Variants in RASGEF1A observed in about 807,000 individuals in gnomAD.
RASGEF1A encodes the protein RasGEF domain family member 1A.
In RASGEF1A, 18 loss-of-function variants were observed where a neutral mutation model predicts 56.4. The ratio of observed to expected loss-of-function variants is 0.32; its 90% CI spans 0.22 to 0.47. RASGEF1A has a LOEUF of 0.47. RASGEF1A is among the 20% of genes least tolerant of loss of function. The pLI is 1.00. For missense variants in RASGEF1A, 422 were observed against 627.1 expected (o/e 0.67, Z 3.49); for synonymous variants, 245 against 242.6 (o/e 1.01, Z -0.09).
At position 43,206,080 on chromosome 10, in the gene RASGEF1A, C is replaced by A; in HGVS notation, c.37G>T (p.Gly13Trp). Reference protein sequence around the residue: ...QTSVVFSSILGPSCSGQVQPG... With the variant: ...QTSVVFSSILWPSCSGQVQPG... The stretch of plus-strand genomic sequence containing the variant: ...TGCACCTGTCCGCTACAGCTGGGCC[C>A]AAGGATGCTGGAGAAGACAACGGAC... Residue 13 changes from glycine (G) to tryptophan (W), a missense_variant, in exon 2 of 13, where the codon GGG becomes TGG. Around this residue, in one of 2 missense-constraint regions of RASGEF1A, gnomAD observed 273 missense variants for 339.9 expected, o/e 0.80. Coordinates refer to ENST00000395810, the MANE Select transcript of RASGEF1A (RefSeq NM_145313.4). 1 of 1,602,606 alleles carries A rather than the reference C, an allele frequency of 6.2e-7. No individual in the cohort carries two copies.
chr10:43,262,503 G>A (rs115487844), intron 1 of RASGEF1A, among the ~76,000 whole-genome samples: 2,202 of 152,292 alleles, frequency 0.014, 66 homozygotes, highest in African/African-American at 0.049. Context: ...GTGCAGCAAC[G>A]TGGCCCAGGC....
rs1056459081 is a variant in RASGEF1A, at chr10:43,206,982, T to C, written c.-6-860A>G. 3 of 985,214 alleles carry C rather than the reference T, an allele frequency of 3.0e-6. No homozygotes were observed. In the African/African-American group the frequency reaches 5.2e-5, roughly 17 times the overall value. The allele number at this position is 985,214 out of a possible 1,614,324, so 61.0% of individuals were successfully genotyped here. A position where few individuals can be genotyped will look rare whatever the true frequency, so the allele number is the denominator to read the frequency against. ...TGGCCCGCTGTGATGGGGCTCAGGG[T>C]CTCACCACACCCTGCAGCTGGGAGT... is the stretch of plus-strand genomic sequence containing the variant. On this transcript the variant is annotated intron_variant, in intron 1 of 12. Coordinates refer to ENST00000395810, the MANE Select transcript of RASGEF1A (RefSeq NM_145313.4).
In RASGEF1A at chr10:43,201,956, A is replaced by C. The variant is rs1167936722; in HGVS notation, c.322-11T>G. 2 of 1,600,256 alleles carry C rather than the reference A, an allele frequency of 1.2e-6. No individual in the cohort carries two copies. The highest frequency in any genetic ancestry group is 2.7e-5 in the African/African-American group (2 of 74,768). On this transcript the variant is annotated splice_polypyrimidine_tract_variant and intron_variant, in intron 3 of 12. Transcript: ENST00000395810. ...AGACTTCAGCTTGGCCTGGGGCAGCAGGGGATACAGAGTAAGGCCCCACAG... is the reference window on the plus strand; with the variant it reads ...AGACTTCAGCTTGGCCTGGGGCAGCCGGGGATACAGAGTAAGGCCCCACAG...
Position 43,200,874 on chromosome 10 carries a change from C to T in RASGEF1A, c.474G>A (p.Val158=). 6.2e-7 allele frequency: 1 copy of T among 1,613,946 alleles called. No individual in the cohort carries two copies. Among genetic ancestry groups the T allele is most frequent in the Non-Finnish European group, 8.5e-7 (1 of 1,179,984 alleles). Residue 158 remains valine (V), a synonymous_variant, in exon 5 of 13, where the codon GTG becomes GTA. Coordinates refer to ENST00000395810, the MANE Select transcript of RASGEF1A (RefSeq NM_145313.4). ...GTGTCATCTGGGCAATGGCCTTCTT[C>T]ACTGTGCCATTCTCCTGTGGGGTCA... ...VTQCDEENGT[V]KKAIAQMTQS...
At chr10:43,248,163 C>CCT (rs1460466626) in intron 1 of RASGEF1A, among the ~76,000 whole-genome samples, 11 of 151,356 alleles carry the variant, frequency 7.3e-5, no homozygotes, top group African/African-American at 2.4e-4. Context: ...CGAGACCAGC[C>CCT]TGACAAACAT....
At chr10:43,235,283 T>C (rs1293550701) in intron 1 of RASGEF1A, among the ~76,000 whole-genome samples, 1 of 152,126 alleles carries the variant, frequency 6.6e-6, no homozygotes, top group Non-Finnish European at 1.5e-5. Flanking sequence ...CAGGCACACC[T>C]CTCCCCAGTC....
At chr10:43,206,207 A>C in intron 1 of RASGEF1A, 85 bp from the exon 2 acceptor site, 1 of 1,168,258 alleles carries the variant, frequency 8.6e-7, no homozygotes, top group South Asian at 1.4e-5. Context: ...TGCAGCGTGC[A>C]TGCATGTGTG....
intron 1 of RASGEF1A, among the ~76,000 whole-genome samples, chr10:43,264,101 C>T (rs1292148126): frequency 6.6e-6 from 1 of 152,096 alleles, no homozygotes; most frequent in Admixed American, 6.5e-5. Flanking sequence ...CTTCCCTTCA[C>T]ACAGTGCCCG....
At chr10:43,255,077 C>T (rs955648616) in intron 1 of RASGEF1A, among the ~76,000 whole-genome samples, 1 of 152,204 alleles carries the variant, frequency 6.6e-6, no homozygotes, top group African/African-American at 2.4e-5. Flanking sequence ...GAAGCCCCAG[C>T]CACCACCTGG....
rs41301585 is a variant in RASGEF1A at position 43,200,831 on chromosome 10, A to G, written c.517T>C (p.Leu173=). ...TCCTGGAGCTGGCTCCGGGCAGCCAAGGACAGCAACAGGCTCTGTGTCATC... is the reference window on the plus strand; with the variant it reads ...TCCTGGAGCTGGCTCCGGGCAGCCAGGGACAGCAACAGGCTCTGTGTCATC... ...AQMTQSLLLS[L]AARSQLQELR... The change falls in exon 5 of 13, where the codon TTG becomes CTG. Residue 173 remains leucine (L), a synonymous_variant. Transcript: ENST00000395810. 103,976 of 1,613,962 alleles carry G rather than the reference A, an allele frequency of 0.064. 4,128 individuals carry two copies. Among genetic ancestry groups the G allele is most frequent in the South Asian group, 0.16 (14,386 of 91,084 alleles).
intron 4 of RASGEF1A, 67 bp from the exon 5 acceptor site, chr10:43,200,955 G>A (rs1369527128): frequency 6.3e-6 from 9 of 1,436,922 alleles, no homozygotes; most frequent in Non-Finnish European, 8.7e-6. Context: ...ACTGTGGGTA[G>A]GATCCATCTC....
At chr10:43,237,687 C>G (rs1840448668) in intron 1 of RASGEF1A, among the ~76,000 whole-genome samples, 1 of 152,178 alleles carries the variant, frequency 6.6e-6, no homozygotes, top group Non-Finnish European at 1.5e-5. Flanking sequence ...CAACCAAGCC[C>G]AGGCCTGAAC....
chr10:43,210,803 C>A (rs905814525), intron 1 of RASGEF1A, among the ~76,000 whole-genome samples: 7 of 152,100 alleles, frequency 4.6e-5, no homozygotes, highest in African/African-American at 9.7e-5. Flanking sequence ...TCTGTGGGAA[C>A]CCTCACCTCC....
At position 43,205,979 on chromosome 10, in the gene RASGEF1A, G is replaced by A. The variant is rs746947671; in HGVS notation, c.138C>T (p.Ile46=). Reference sequence around the variant, plus strand: ...CCATCAGGGCCTCCAGGGACCCAGAGATGAGGTGTCCATCTTGGAAGATGA... The same window carrying A: ...CCATCAGGGCCTCCAGGGACCCAGAAATGAGGTGTCCATCTTGGAAGATGA... ...GDLIFQDGHL[I]SGSLEALMEH... The change falls in exon 2 of 13, where the codon ATC becomes ATT. Residue 46 remains isoleucine (I), a synonymous_variant. Transcript: ENST00000395810. The A allele has an allele frequency of 8.7e-6, 14 of 1,613,254 alleles. 1 individual carries two copies. In the South Asian group the frequency reaches 1.4e-4, roughly 16 times the overall value.
At chr10:43,217,522 G>C (rs1325252584) in intron 1 of RASGEF1A, among the ~76,000 whole-genome samples, 2 of 152,230 alleles carry the variant, frequency 1.3e-5, no homozygotes, top group African/African-American at 4.8e-5. Flanking sequence ...ACCACACCTA[G>C]GTCCTCCCAG....
chr10:43,207,815 A>G, intron 1 of RASGEF1A: 1 of 623,054 alleles, frequency 1.6e-6, no homozygotes, highest in Non-Finnish European at 2.0e-6. Context: ...CAGCCCAGGA[A>G]CCACTGATGT....
chr10:43,254,721 T>C (rs1401266770), intron 1 of RASGEF1A, among the ~76,000 whole-genome samples: 1 of 152,128 alleles, frequency 6.6e-6, no homozygotes, highest in Non-Finnish European at 1.5e-5. Context: ...TGGAAACCGC[T>C]GCTGTAGCTC....
chr10:43,211,411 A>AG (rs1351007399), intron 1 of RASGEF1A, among the ~76,000 whole-genome samples: 1 of 152,150 alleles, frequency 6.6e-6, no homozygotes, highest in Non-Finnish European at 1.5e-5. Context: ...GGAGGCCTGG[A>AG]GTGGAGGCTG....
chr10:43,259,344 C>A (rs1836486881), intron 1 of RASGEF1A, among the ~76,000 whole-genome samples: 2 of 152,092 alleles, frequency 1.3e-5, no homozygotes, highest in Non-Finnish European at 2.9e-5. Context: ...CTGGGCCCTA[C>A]CCAGACTCCC....
Sources: allele counts gnomAD v4.1 joint callset (sites outside exome capture counted in the v4.1 genomes callset), GRCh38; gene constraint gnomAD v4.1.1; regional missense constraint gnomAD v4.1.1; transcripts MANE v1.5; gene names NCBI Gene and HGNC (gene_info 2026-07-23, HGNC 2026-07-21).